The following RIMS1 variants were observed in gnomAD, a reference collection of about 807,000 sequenced individuals.
RIMS1 encodes the protein regulating synaptic membrane exocytosis 1.
In RIMS1, 83 loss-of-function variants were observed where a neutral mutation model predicts 214.1. That is an observed-to-expected ratio of 0.39 (90% CI 0.32 to 0.47). The LOEUF (loss-of-function observed/expected upper bound fraction) is 0.47, where lower values mean the gene tolerates loss of function less well. RIMS1 is among the 20% of genes least tolerant of loss of function. RIMS1 has a pLI of 0.99. For missense variants in RIMS1, 2,050 were observed against 2,161.8 expected, an observed-to-expected ratio of 0.95 and a Z score of 1.03; for synonymous variants, 793 against 786.8, an observed-to-expected ratio of 1.01 and a Z score of -0.13.
At chr6:72,052,538 A>G (rs1824990982) in intron 2 of RIMS1, among the ~76,000 whole-genome samples, 1 of 152,246 alleles carries the variant, frequency 6.6e-6, no homozygotes, top group African/African-American at 2.4e-5. Context: ...CATCATCTAC[A>G]TTTCTTTGGA....
chr6:72,215,655 T>TAA (rs2055615501), intron 6 of RIMS1, among the ~76,000 whole-genome samples: 1 of 152,232 alleles, frequency 6.6e-6, no homozygotes, highest in African/African-American at 2.4e-5. Context: ...GATGTTTATT[T>TAA]CCCTTTTGCT....
Position 72,182,376 on chromosome 6 carries a change from A to C in RIMS1, c.905A>C (p.Glu302Ala), listed in dbSNP as rs2048516807. The C allele has an allele frequency of 6.2e-7, 1 of 1,613,900 alleles. No homozygotes were observed. Among genetic ancestry groups the C allele is most frequent in the South Asian group, 1.1e-5 (1 of 91,090 alleles). Reference protein sequence around the residue: ...RVPKTSAQPVEGAVEERERKE... With the variant: ...RVPKTSAQPVAGAVEERERKE... ...CCAAAGACCTCAGCGCAGCCCGTGG[A>C]GGGGGCCGTCGAAGAACGGGAGCGC... is the stretch of plus-strand genomic sequence containing the variant. The change falls in exon 6 of 34, where the codon GAG becomes GCG. Residue 302 changes from glutamate (E) to alanine (A), a missense_variant. Coordinates refer to ENST00000521978, the MANE Select transcript of RIMS1 (RefSeq NM_014989.7).
At chr6:72,230,613 A>G (rs866732214) in intron 6 of RIMS1, among the ~76,000 whole-genome samples, 2 of 151,628 alleles carry the variant, frequency 1.3e-5, no homozygotes, top group South Asian at 4.1e-4. Flanking sequence ...CACAATTCTA[A>G]ATTATAGAGA....
chr6:72,161,665 G>A (rs546409762), intron 4 of RIMS1, among the ~76,000 whole-genome samples: 1 of 139,462 alleles, frequency 7.2e-6, no homozygotes, highest in Non-Finnish European at 1.6e-5. Flanking sequence ...CATTCAGGAG[G>A]AGGTTGTTCA....
At chr6:72,172,664 A>C (rs1163499442) in intron 4 of RIMS1, among the ~76,000 whole-genome samples, 1 of 152,208 alleles carries the variant, frequency 6.6e-6, no homozygotes, top group East Asian at 1.9e-4. Context: ...TGGATTGGAT[A>C]CCATGACCAC....
chr6:72,201,226 T>C (rs2051928131), intron 6 of RIMS1, among the ~76,000 whole-genome samples: 1 of 152,190 alleles, frequency 6.6e-6, no homozygotes, highest in African/African-American at 2.4e-5. Context: ...CAGGGCTACA[T>C]TTTCAAAAAT....
intron 1 of RIMS1, among the ~76,000 whole-genome samples, chr6:71,922,041 C>A (rs1441219374): frequency 6.6e-6 from 1 of 152,120 alleles, no homozygotes; most frequent in East Asian, 1.9e-4. Flanking sequence ...GTATACTCAC[C>A]CAGCTTCGGT....
intron 2 of RIMS1, among the ~76,000 whole-genome samples, chr6:72,014,780 A>G (rs1388110057): frequency 6.6e-6 from 1 of 152,150 alleles, no homozygotes; most frequent in Non-Finnish European, 1.5e-5. Context: ...GATTTTAGCT[A>G]TCTTAGTGGG....
At chr6:72,288,360 A>G (rs1383027409) in intron 24 of RIMS1, among the ~76,000 whole-genome samples, 1 of 152,258 alleles carries the variant, frequency 6.6e-6, no homozygotes, top group Non-Finnish European at 1.5e-5. Context: ...GAATACATGC[A>G]TGCCTGCATA....
chr6:72,371,395 A>G (rs1357518291), intron 29 of RIMS1, among the ~76,000 whole-genome samples: 1 of 152,180 alleles, frequency 6.6e-6, no homozygotes, highest in Non-Finnish European at 1.5e-5. Context: ...AGATGCTAAG[A>G]TGTGTAAGCA....
At position 72,382,745 on chromosome 6, in the gene RIMS1, T is replaced by C. The variant is rs182636918; in HGVS notation, c.4367-7853T>C. 3.3e-5 allele frequency among the ~76,000 whole-genome samples: 5 copies of C among 152,318 alleles called. No individual in the cohort carries two copies. In the East Asian group the frequency reaches 9.6e-4, roughly 29 times the overall value. ...GAAATGTAGTTAACTCGAGGGACCA[T>C]ACTCTTTCTCTTCAGGACCTTTACC... On this transcript the variant is annotated intron_variant, in intron 29 of 33. Coordinates refer to ENST00000521978, the MANE Select transcript of RIMS1 (RefSeq NM_014989.7).
intron 9 of RIMS1, among the ~76,000 whole-genome samples, chr6:72,238,504 A>G (rs2065259719): frequency 6.6e-6 from 1 of 152,156 alleles, no homozygotes; most frequent in South Asian, 2.1e-4. Context: ...TTGTTGCCCT[A>G]TAACTGAACA....
chr6:71,963,961 T>A (rs1241254558), intron 1 of RIMS1, among the ~76,000 whole-genome samples: 1 of 152,168 alleles, frequency 6.6e-6, no homozygotes, highest in Non-Finnish European at 1.5e-5. Context: ...TCTTAGCATA[T>A]GTCAGTGATC....
chr6:72,261,707 T>G, intron 19 of RIMS1: 1 of 985,338 alleles, frequency 1.0e-6, no homozygotes, highest in Non-Finnish European at 1.2e-6. Flanking sequence ...CATGATTTAT[T>G]ATGTCTGTGT....
chr6:72,076,712 A>C lies in RIMS1; in HGVS notation c.246-20237A>C, dbSNP rs185240277. Among the ~76,000 whole-genome samples, 7 of 152,304 alleles carry C rather than the reference A, an allele frequency of 4.6e-5. No individual in the cohort carries two copies. The East Asian group carries it at 1.4e-3, about 29-fold the overall frequency. On this transcript the variant is annotated intron_variant, in intron 2 of 33. Transcript: ENST00000521978. ...TCCAGGGATGATGCTATCCTGGGAA[A>C]TAATTTTCTGCACTGAAATAATATT...
chr6:72,022,236 C>T (rs1244087064), intron 2 of RIMS1, among the ~76,000 whole-genome samples: 1 of 152,152 alleles, frequency 6.6e-6, no homozygotes. Context: ...CTCACTGTAA[C>T]TTGCAGCCAT....
intron 2 of RIMS1, among the ~76,000 whole-genome samples, chr6:71,993,164 C>T (rs1326078065): frequency 2.0e-5 from 3 of 152,134 alleles, no homozygotes; most frequent in Non-Finnish European, 4.4e-5. Flanking sequence ...GTAGTTATAA[C>T]ACCAGAATGA....
At chr6:72,144,797 T>C (rs1456869553) in intron 4 of RIMS1, among the ~76,000 whole-genome samples, 1 of 152,166 alleles carries the variant, frequency 6.6e-6, no homozygotes, top group African/African-American at 2.4e-5. Flanking sequence ...GAATGAGGGT[T>C]AGTCTAAAAT....
At chr6:72,054,477 T>C (rs1458988381) in intron 2 of RIMS1, among the ~76,000 whole-genome samples, 1 of 152,192 alleles carries the variant, frequency 6.6e-6, no homozygotes, top group African/African-American at 2.4e-5. Flanking sequence ...GTATTTCTGG[T>C]TCTTGATCCT....
Sources: allele counts gnomAD v4.1 joint callset (sites outside exome capture counted in the v4.1 genomes callset), GRCh38; gene constraint gnomAD v4.1.1; transcripts MANE v1.5; gene names NCBI Gene and HGNC (gene_info 2026-07-23, HGNC 2026-07-21).